Variants in TAB1 observed in about 807,000 individuals in gnomAD.
The protein encoded by TAB1 is TGF-beta activated kinase 1 (MAP3K7) binding protein 1.
A neutral mutation model predicts 54.5 loss-of-function variants in TAB1; 30 were observed. The observed-to-expected ratio is 0.55, with a 90% confidence interval of 0.41 to 0.75. The LOEUF (loss-of-function observed/expected upper bound fraction) is 0.75, where lower values mean the gene tolerates loss of function less well. Among genes scored for constraint, TAB1 ranks in the 30% least tolerant of loss-of-function variants. TAB1 has a pLI of 0.00. For missense variants in TAB1, 609 were observed against 683.2 expected, an observed-to-expected ratio of 0.89 and a Z score of 1.21; for synonymous variants, 289 against 286.9, an observed-to-expected ratio of 1.01 and a Z score of -0.07.
chr22:39,411,616 A>T (rs571437542), intron 1 of TAB1, among the ~76,000 whole-genome samples: 2 of 152,336 alleles, frequency 1.3e-5, no homozygotes, highest in African/African-American at 4.8e-5. Flanking sequence ...GAGCAGCCGG[A>T]ACTCAACATT....
At chr22:39,424,988 G>A (rs1244334552) in intron 8 of TAB1, among the ~76,000 whole-genome samples, 1 of 152,008 alleles carries the variant, frequency 6.6e-6, no homozygotes, top group African/African-American at 2.4e-5. Context: ...ACTTTATGAT[G>A]GTGAGAAAGT....
At chr22:39,401,123 T>C (rs1926125940) in intron 1 of TAB1, among the ~76,000 whole-genome samples, 1 of 151,620 alleles carries the variant, frequency 6.6e-6, no homozygotes, top group Non-Finnish European at 1.5e-5. Flanking sequence ...CTATTATCTA[T>C]CACCATGTGC....
intron 1 of TAB1, among the ~76,000 whole-genome samples, chr22:39,403,678 G>C (rs996455858): frequency 1.5e-5 from 2 of 134,756 alleles, no homozygotes; most frequent in African/African-American, 2.8e-5. Context: ...TCGCTCTGTT[G>C]CCCAGGCTGG....
intron 8 of TAB1, among the ~76,000 whole-genome samples, chr22:39,424,370 T>C (rs1927226564): frequency 6.6e-6 from 1 of 152,188 alleles, no homozygotes; most frequent in South Asian, 2.1e-4. Context: ...GACTGCTGGA[T>C]TGAATGCAGA....
chr22:39,421,742 G>A, intron 7 of TAB1, 85 bp from the exon 8 acceptor site: 1 of 1,404,072 alleles, frequency 7.1e-7, no homozygotes, highest in Non-Finnish European at 9.9e-7. Flanking sequence ...TTACATTCTG[G>A]GCATAGATTC....
intron 1 of TAB1, among the ~76,000 whole-genome samples, chr22:39,412,414 C>T (rs748574290): frequency 6.6e-6 from 1 of 152,092 alleles, no homozygotes; most frequent in South Asian, 2.1e-4. Context: ...GGAGGGAGTG[C>T]GTTGGGAGTG....
chr22:39,433,915 TC>T, downstream of TAB1: 1 of 692,150 alleles, frequency 1.4e-6, no homozygotes, highest in Non-Finnish European at 1.7e-6. Context: ...TGTTGTTTCC[TC>T]CATGGGTCAC....
At chr22:39,417,569 C>G (rs1005495933) in intron 4 of TAB1, 142 bp from the exon 5 acceptor site, 3 of 754,410 alleles carry the variant, frequency 4.0e-6, no homozygotes, top group Non-Finnish European at 5.9e-6. Flanking sequence ...TGTAGTGAGC[C>G]GAGATCATGC....
At chr22:39,436,580 C>A, downstream of TAB1, 1 of 1,607,886 alleles carries the variant, frequency 6.2e-7, no homozygotes, top group Non-Finnish European at 8.5e-7. Context: ...AGGAAGGAAG[C>A]GCCTACACCA....
rs937803093 is a variant in TAB1, at chr22:39,399,791, G to T, written c.-12G>T. 2.5e-6 allele frequency: 4 copies of T among 1,588,536 alleles called. No homozygotes were observed. The highest frequency in any genetic ancestry group is 3.6e-5 in the Admixed American group (2 of 55,564). On this transcript the variant is annotated 5_prime_UTR_variant, in exon 1 of 11. Coordinates refer to ENST00000216160, the MANE Select transcript of TAB1 (RefSeq NM_006116.3). The stretch of plus-strand genomic sequence containing the variant: ...GCGGGGAGGCGGGCGCTCCCGCAGG[G>T]GTTCCTCCAAGATGGCGGCGCAGAG...
At chr22:39,429,118 A>G (rs749762242) in intron 10 of TAB1, 35 of 984,538 alleles carry the variant, frequency 3.6e-5, no homozygotes, top group Non-Finnish European at 3.9e-5. Context: ...TGTGTTCCTC[A>G]CTCCTTTCAG....
At chr22:39,435,087 G>A (rs377337009), downstream of TAB1, among the ~76,000 whole-genome samples, 34 of 152,236 alleles carry the variant, frequency 2.2e-4, no homozygotes, top group South Asian at 6.0e-3. Flanking sequence ...CTGAGACTTC[G>A]CTGCAGGATA....
Position 39,430,240 on chromosome 22 carries a change from G to T in TAB1, c.*18G>T. The T allele has an allele frequency of 6.2e-7, 1 of 1,609,022 alleles. No individual in the cohort carries two copies. Among genetic ancestry groups the T allele is most frequent in the Non-Finnish European group, 8.5e-7 (1 of 1,179,912 alleles). On this transcript the variant is annotated 3_prime_UTR_variant, in exon 11 of 11. Coordinates refer to ENST00000216160, the MANE Select transcript of TAB1 (RefSeq NM_006116.3). ...CACCGTAGGGCAGCCGGAGAATGCA[G>T]CCCAAGCAGGGCCTGGCATGGGGCA...
At position 39,421,843 on chromosome 22, in the gene TAB1, C is replaced by A. The variant is rs1048168598; in HGVS notation, c.793C>A (p.Pro265Thr). The A allele has an allele frequency of 1.9e-6, 3 of 1,614,144 alleles. No homozygotes were observed. Among genetic ancestry groups the A allele is most frequent in the Admixed American group, 1.7e-5 (1 of 60,010 alleles). ...IDLLSAAKSK[P>T]IIAEPEIHGA... ...TCCCCATAGCGCTGCCAAGTCCAAA[C>A]CAATCATCGCAGAGCCAGAAATCCA... The change falls in exon 8 of 11, where the codon CCA becomes ACA. Residue 265 changes from proline (P) to threonine (T), a missense_variant. Transcript: ENST00000216160.
chr22:39,410,081 G>A (rs114817837), intron 1 of TAB1, among the ~76,000 whole-genome samples: 1 of 152,262 alleles, frequency 6.6e-6, no homozygotes, highest in African/African-American at 2.4e-5. Flanking sequence ...ATTAGAACTA[G>A]ACCCAATTTT....
At chr22:39,407,545 G>A (rs968466609) in intron 1 of TAB1, among the ~76,000 whole-genome samples, 1 of 151,562 alleles carries the variant, frequency 6.6e-6, no homozygotes, top group African/African-American at 2.4e-5. Context: ...GTGCAGTGGC[G>A]TGATCTCGGC....
intron 1 of TAB1, among the ~76,000 whole-genome samples, chr22:39,404,632 A>G (rs928676849): frequency 6.6e-6 from 1 of 152,164 alleles, no homozygotes; most frequent in Non-Finnish European, 1.5e-5. Flanking sequence ...GAGCAATTAT[A>G]TCTGAGATCA....
At chr22:39,434,322 G>A (rs911439748), downstream of TAB1, among the ~76,000 whole-genome samples, 1 of 152,270 alleles carries the variant, frequency 6.6e-6, no homozygotes, top group Non-Finnish European at 1.5e-5. Context: ...CAGGTACCGG[G>A]TCGATGCTAC....
intron 10 of TAB1, chr22:39,429,062 G>T (rs904740113): frequency 1.0e-6 from 1 of 985,300 alleles, no homozygotes; most frequent in Non-Finnish European, 1.2e-6. Context: ...GAGTGTGAGC[G>T]CTGTGGCCCT....
Sources: gnomAD v4.1 joint callset for allele counts (sites outside exome capture counted in the v4.1 genomes callset) on GRCh38, gnomAD v4.1.1 for gene constraint, MANE v1.5 for transcripts, NCBI Gene and HGNC (gene_info 2026-07-23, HGNC 2026-07-21) for gene names.